The following TCF4 variants were observed in gnomAD, a reference collection of about 807,000 sequenced individuals.
TCF4 encodes the protein transcription factor 4.
Under a neutral mutation model 82.1 loss-of-function variants are expected in TCF4, and 3 were observed. The observed-to-expected ratio is 0.04, with a 90% CI of 0.02 to 0.09. TCF4 has a LOEUF of 0.09. Ranked by LOEUF, TCF4 falls within the 10% of genes least tolerant of loss-of-function variation. The probability of loss-of-function intolerance (pLI) is 1.00; values close to 1 mark genes in which losing one functional copy is unlikely to be tolerated. For synonymous variants in TCF4, 276 were observed against 309.6 expected (o/e 0.89, Z 1.14); for missense variants, 518 against 852.7 (o/e 0.61, Z 4.89).
In TCF4 at chr18:55,588,093, T is replaced by A; in HGVS notation, c.-76A>T. 5.9e-6 allele frequency: 6 copies of A among 1,015,446 alleles called. No homozygotes were observed. The highest frequency in any genetic ancestry group is 7.0e-6 in the Non-Finnish European group (6 of 854,314). 62.9% of individuals were successfully genotyped at this position (1,015,446 alleles called of 1,614,324 possible). A position where few individuals can be genotyped will look rare whatever the true frequency, so the allele number is the denominator to read the frequency against. On this transcript the variant is annotated 5_prime_UTR_variant, in exon 1 of 20. It removes an upstream start codon present in the reference 5' UTR. Transcript: ENST00000354452. Reference sequence around the variant, plus strand: ...ACCGCCGGCGCCGAGGCGGCGTTCATGTCTAACCGCCGCCGCCACCGCCGC... The same window carrying A: ...ACCGCCGGCGCCGAGGCGGCGTTCAAGTCTAACCGCCGCCGCCACCGCCGC...
intron 6 of TCF4, among the ~76,000 whole-genome samples, chr18:55,388,714 G>T (rs1000782009): frequency 6.6e-6 from 1 of 152,154 alleles, no homozygotes; most frequent in Non-Finnish European, 1.5e-5. Flanking sequence ...AAGTGACAAA[G>T]AAAATGCCAA....
intron 8 of TCF4, among the ~76,000 whole-genome samples, chr18:55,287,010 T>C (rs534396070): frequency 6.6e-6 from 1 of 152,324 alleles, no homozygotes; most frequent in African/African-American, 2.4e-5. Flanking sequence ...TAAATAGTTC[T>C]AAGTGCCCCA....
intron 5 of TCF4, among the ~76,000 whole-genome samples, chr18:55,419,172 C>T (rs2094634682): frequency 6.6e-6 from 1 of 152,150 alleles, no homozygotes; most frequent in Non-Finnish European, 1.5e-5. Context: ...CATACTGTTT[C>T]CAAACCATCA....
At chr18:55,272,360 G>A (rs1039425126) in intron 10 of TCF4, among the ~76,000 whole-genome samples, 3 of 152,012 alleles carry the variant, frequency 2.0e-5, no homozygotes, top group Non-Finnish European at 4.4e-5. Flanking sequence ...GTCTCTTTTA[G>A]AGGATTTAGG....
intron 3 of TCF4, among the ~76,000 whole-genome samples, chr18:55,475,649 G>T (rs976013466): frequency 6.6e-6 from 1 of 152,176 alleles, no homozygotes; most frequent in African/African-American, 2.4e-5. Flanking sequence ...TTAGACAAGC[G>T]ATAACCCATC....
At chr18:55,316,353 A>G (rs1396735497) in intron 8 of TCF4, among the ~76,000 whole-genome samples, 1 of 152,140 alleles carries the variant, frequency 6.6e-6, no homozygotes, top group Non-Finnish European at 1.5e-5. Flanking sequence ...TTCATTTAAT[A>G]GATCCCTGAT....
chr18:55,588,039 G>C lies in TCF4; in HGVS notation c.-22C>G. ...AGCCCCGCAGGCGCCGGTACCTACC[G>C]CCCGCGCGCGAGAAGGGGCTCTCCG... On this transcript the variant is annotated splice_region_variant and 5_prime_UTR_variant, in exon 1 of 20. Transcript: ENST00000354452. 3 of 982,748 alleles carry C rather than the reference G, an allele frequency of 3.1e-6. No individual in the cohort carries two copies. The highest frequency in any genetic ancestry group is 3.6e-6 in the Non-Finnish European group (3 of 828,928). The allele number at this position is 982,748 out of a possible 1,614,324, so 60.9% of individuals were successfully genotyped here.
At chr18:55,446,406 C>T (rs942185609) in intron 5 of TCF4, among the ~76,000 whole-genome samples, 2 of 152,148 alleles carry the variant, frequency 1.3e-5, no homozygotes, top group African/African-American at 4.8e-5. Context: ...CCATGTTTAG[C>T]TGCTATTCCA....
At chr18:55,437,680 C>T (rs1439374093) in intron 5 of TCF4, among the ~76,000 whole-genome samples, 1 of 152,122 alleles carries the variant, frequency 6.6e-6, no homozygotes, top group Non-Finnish European at 1.5e-5. Context: ...GATCCCAGCC[C>T]AGGCCTCTAA....
intron 8 of TCF4, among the ~76,000 whole-genome samples, chr18:55,300,824 A>G (rs2068018063): frequency 6.6e-6 from 1 of 152,024 alleles, no homozygotes. Flanking sequence ...CACCATGAAA[A>G]ACAAGTGTAT....
chr18:55,430,226 G>T (rs2095144439), intron 5 of TCF4, among the ~76,000 whole-genome samples: 1 of 152,082 alleles, frequency 6.6e-6, no homozygotes. Context: ...GCATTTTCTG[G>T]CTCACTGGAG....
chr18:55,268,178 C>T (rs1420008486), intron 11 of TCF4: 1 of 151,996 alleles, frequency 6.6e-6, no homozygotes, highest in Non-Finnish European at 1.5e-5. Context: ...GTATGTTTTC[C>T]TCAACTCAAG....
intron 8 of TCF4, among the ~76,000 whole-genome samples, chr18:55,326,202 C>A (rs1161457856): frequency 1.3e-5 from 2 of 151,982 alleles, no homozygotes; most frequent in East Asian, 1.9e-4. Flanking sequence ...CTTGCTGCTC[C>A]CCAGCAGTGT....
intron 5 of TCF4, among the ~76,000 whole-genome samples, chr18:55,439,041 T>C (rs2095387579): frequency 6.6e-6 from 1 of 151,934 alleles, no homozygotes; most frequent in Non-Finnish European, 1.5e-5. Context: ...CAGCCTGGGA[T>C]GGAGGTGTGT....
rs1568500474 is a variant in TCF4, at chr18:55,621,536, T to TA, written c.286+9761dup. Among the ~76,000 whole-genome samples the TA allele has an allele frequency of 1.8e-3, 14 of 7,568 alleles. 1 individual carries two copies. Among genetic ancestry groups the TA allele is most frequent in the South Asian group, 0.018 (2 of 112 alleles). The allele number at this position is 7,568 out of a possible 152,430, so 5.0% of individuals were successfully genotyped here. Reference sequence around the variant, plus strand: ...ATATTATATAATATTATATAATATATATATTATATTATATATTATGTACAT... The same window carrying TA: ...ATATTATATAATATTATATAATATATAATATTATATTATATATTATGTACAT... On this transcript the variant is annotated intron_variant, in intron 2 of 20. Coordinates refer to the TCF4 transcript ENST00000398339.
chr18:55,509,685 A>G (rs1035736519), intron 3 of TCF4, among the ~76,000 whole-genome samples: 1 of 152,194 alleles, frequency 6.6e-6, no homozygotes, highest in Non-Finnish European at 1.5e-5. Context: ...GGTTGCCTCT[A>G]ATAAGTTAAT....
At chr18:55,410,689 C>T (rs527831679) in intron 5 of TCF4, among the ~76,000 whole-genome samples, 1 of 151,970 alleles carries the variant, frequency 6.6e-6, no homozygotes, top group African/African-American at 2.4e-5. Flanking sequence ...ATGCCACCTC[C>T]GTTTGGAGTT....
chr18:55,474,585 T>C (rs1050367224), intron 3 of TCF4, among the ~76,000 whole-genome samples: 1 of 152,180 alleles, frequency 6.6e-6, no homozygotes, highest in African/African-American at 2.4e-5. Context: ...AGGCACTACA[T>C]GGTGATCTCC....
chr18:55,567,504 G>C lies in TCF4; in HGVS notation c.145+17776C>G, dbSNP rs547432348. Among the ~76,000 whole-genome samples, 78 of 152,280 alleles carry C rather than the reference G, an allele frequency of 5.1e-4. 1 individual carries two copies. Among genetic ancestry groups the C allele is most frequent in the African/African-American group, 1.9e-3 (77 of 41,566 alleles). ...GAGGTGGGTGGATCACTTGAGGTCA[G>C]GAGTTCAAGACCAGCCTGGCCAACA... On this transcript the variant is annotated intron_variant, in intron 3 of 19. Coordinates refer to ENST00000354452, the MANE Select transcript of TCF4 (RefSeq NM_001083962.2).
Sources: gnomAD v4.1 joint callset for allele counts (sites outside exome capture counted in the v4.1 genomes callset) on GRCh38, gnomAD v4.1.1 for gene constraint, MANE v1.5 for transcripts, NCBI Gene and HGNC (gene_info 2026-07-23, HGNC 2026-07-21) for gene names.